JAM3: variants seen among roughly 807,000 people sequenced by gnomAD.
JAM3 encodes junctional adhesion molecule C.
Under a neutral mutation model 39.4 loss-of-function variants are expected in JAM3, and 31 were observed. The ratio of observed to expected loss-of-function variants is 0.79; its 90% CI spans 0.59 to 1.06. The LOEUF is 1.06. Ranked by LOEUF, JAM3 falls within the 50% of genes least tolerant of loss-of-function variation. The pLI is 0.00. For synonymous variants in JAM3, 182 were observed against 148.7 expected, an observed-to-expected ratio of 1.22 and a Z score of -1.63; for missense variants, 455 against 391.4, an observed-to-expected ratio of 1.16 and a Z score of -1.37.
At chr11:134,118,350 C>T (rs1942475390) in intron 1 of JAM3, among the ~76,000 whole-genome samples, 1 of 152,138 alleles carries the variant, frequency 6.6e-6, no homozygotes, top group South Asian at 2.1e-4. Context: ...GATGGTGACC[C>T]TCCCTCCACC....
At chr11:134,119,723 C>T (rs1016143090) in intron 1 of JAM3, among the ~76,000 whole-genome samples, 5 of 152,140 alleles carry the variant, frequency 3.3e-5, no homozygotes, top group Admixed American at 6.5e-5. Flanking sequence ...TTATGGAGGG[C>T]AGTCTGCTTT....
chr11:134,101,558 T>G (rs1942073210), intron 1 of JAM3, among the ~76,000 whole-genome samples: 2 of 152,204 alleles, frequency 1.3e-5, no homozygotes, highest in Admixed American at 1.3e-4. Context: ...TTCCTGTTGA[T>G]AATACTATTG....
chr11:134,104,868 C>T (rs1942151887), intron 1 of JAM3, among the ~76,000 whole-genome samples: 1 of 151,952 alleles, frequency 6.6e-6, no homozygotes, highest in African/African-American at 2.4e-5. Context: ...AATTAATAGC[C>T]TACCAACCAA....
intron 1 of JAM3, among the ~76,000 whole-genome samples, chr11:134,131,470 C>G (rs1335932001): frequency 6.6e-6 from 1 of 151,906 alleles, no homozygotes; most frequent in Middle Eastern, 3.2e-3. Flanking sequence ...CCAGAGTTAA[C>G]CGTATTATAA....
chr11:134,081,352 C>A (rs1941662490), intron 1 of JAM3, among the ~76,000 whole-genome samples: 1 of 152,224 alleles, frequency 6.6e-6, no homozygotes, highest in Admixed American at 6.5e-5. Flanking sequence ...GCCACCCCTC[C>A]CATCACAGGC....
At chr11:134,120,746 A>G (rs1942516029) in intron 1 of JAM3, among the ~76,000 whole-genome samples, 1 of 152,224 alleles carries the variant, frequency 6.6e-6, no homozygotes, top group Admixed American at 6.5e-5. Flanking sequence ...ACTCTGCTTC[A>G]GGATGCTCAC....
At chr11:134,075,092 C>A (rs7358529) in intron 1 of JAM3, among the ~76,000 whole-genome samples, 6 of 149,422 alleles carry the variant, frequency 4.0e-5, no homozygotes, top group Non-Finnish European at 8.9e-5. Context: ...ATTTGGTAGT[C>A]TCCATTTTCA....
chr11:134,123,995 C>T (rs1208293441), intron 1 of JAM3: 6 of 1,514,274 alleles, frequency 4.0e-6, no homozygotes, highest in South Asian at 2.2e-5. Flanking sequence ...CAAGTGCAAC[C>T]AGCACAGGTG....
chr11:134,111,131 A>ATTTTTTTTTT (rs1942300392), intron 1 of JAM3, among the ~76,000 whole-genome samples: 1 of 115,226 alleles, frequency 8.7e-6, no homozygotes, highest in Admixed American at 8.9e-5. Context: ...ACACACATCC[A>ATTTTTTTTTT]TCTTTTTTTT....
intron 1 of JAM3, among the ~76,000 whole-genome samples, chr11:134,129,907 C>T (rs1191420374): frequency 1.3e-5 from 2 of 152,000 alleles, no homozygotes; most frequent in Non-Finnish European, 2.9e-5. Flanking sequence ...GAGGCTGAGG[C>T]AGGAGAATCG....
chr11:134,112,764 A>C (rs752992321), intron 1 of JAM3, among the ~76,000 whole-genome samples: 5 of 152,322 alleles, frequency 3.3e-5, no homozygotes, highest in Middle Eastern at 3.4e-3. Context: ...TCCAGAGTAC[A>C]TGCTCTTACT....
chr11:134,113,171 A>T (rs1782310725), intron 1 of JAM3, among the ~76,000 whole-genome samples: 1 of 151,444 alleles, frequency 6.6e-6, no homozygotes, highest in Admixed American at 6.6e-5. Context: ...AGTAATTGAC[A>T]ATGTGGGTTC....
chr11:134,140,534 A>G (rs1380572720), intron 2 of JAM3, 123 bp from the exon 3 acceptor site: 8 of 781,028 alleles, frequency 1.0e-5, no homozygotes, highest in African/African-American at 5.1e-5. Flanking sequence ...TGGAGTGTGG[A>G]GTTGGCTACG....
chr11:134,146,324 T>C (rs1943070363), intron 6 of JAM3, among the ~76,000 whole-genome samples: 1 of 152,198 alleles, frequency 6.6e-6, no homozygotes, highest in African/African-American at 2.4e-5. Flanking sequence ...AACTCCATTC[T>C]TTGGTAATTG....
intron 1 of JAM3, among the ~76,000 whole-genome samples, chr11:134,097,704 G>C (rs1239090820): frequency 6.6e-6 from 1 of 151,964 alleles, no homozygotes; most frequent in African/African-American, 2.4e-5. Flanking sequence ...CTGTATTTCT[G>C]ACCAAATAAT....
At chr11:134,132,410 A>T (rs528060470) in intron 1 of JAM3, among the ~76,000 whole-genome samples, 1 of 152,354 alleles carries the variant, frequency 6.6e-6, no homozygotes, top group African/African-American at 2.4e-5. Context: ...CCAGACCTCT[A>T]TAGGAAATAT....
intron 1 of JAM3, among the ~76,000 whole-genome samples, chr11:134,069,523 C>T (rs575320574): frequency 2.2e-4 from 28 of 124,782 alleles, no homozygotes; most frequent in African/African-American, 8.7e-4. Context: ...TGGGCTCCTC[C>T]CAGGCGGGGT....
At chr11:134,109,378 G>T (rs1408034600) in intron 1 of JAM3, among the ~76,000 whole-genome samples, 1 of 152,192 alleles carries the variant, frequency 6.6e-6, no homozygotes, top group Non-Finnish European at 1.5e-5. Context: ...ATCTTTATTT[G>T]CAGAGGACAT....
intron 1 of JAM3, among the ~76,000 whole-genome samples, chr11:134,127,185 T>A (rs1942665194): frequency 6.6e-6 from 1 of 152,152 alleles, no homozygotes; most frequent in South Asian, 2.1e-4. Flanking sequence ...CTTGAAGTGC[T>A]GGCTCCATCA....
Sources: allele counts gnomAD v4.1 joint callset (sites outside exome capture counted in the v4.1 genomes callset), GRCh38; gene constraint gnomAD v4.1.1; transcripts MANE v1.5; gene names NCBI Gene and HGNC (gene_info 2026-07-23, HGNC 2026-07-21).